The following PSD3 variants were observed in gnomAD, a reference collection of about 807,000 sequenced individuals.
PSD3 encodes the protein PH and SEC7 domain-containing protein 3.
In PSD3, 49 loss-of-function variants were observed where a neutral mutation model predicts 105.5. The observed-to-expected ratio is 0.46, with a 90% CI of 0.37 to 0.59. The LOEUF is 0.59. PSD3 is among the 20% of genes least tolerant of loss of function. The pLI is 0.00. For missense variants in PSD3, 1,561 were observed against 1,263.8 expected (o/e 1.24, Z -3.57); for synonymous variants, 557 against 457.8 (o/e 1.22, Z -2.77).
At chr8:18,843,185 C>T (rs189049516) in intron 4 of PSD3, among the ~76,000 whole-genome samples, 2 of 152,024 alleles carry the variant, frequency 1.3e-5, no homozygotes, top group African/African-American at 4.8e-5. Context: ...ACGGTGAAAC[C>T]CCATCTCTAC....
chr8:18,565,803 G>A (rs1184405656), intron 14 of PSD3, among the ~76,000 whole-genome samples: 3 of 152,124 alleles, frequency 2.0e-5, no homozygotes, highest in Non-Finnish European at 2.9e-5. Context: ...CTCAATAGGA[G>A]TGGGTTGGAT....
chr8:18,610,232 T>G lies in PSD3; in HGVS notation c.2411-9798A>C, dbSNP rs548890709. 5.3e-5 allele frequency among the ~76,000 whole-genome samples: 8 copies of G among 152,320 alleles called. No homozygotes were observed. The South Asian group carries it at 1.4e-3, about 28-fold the overall frequency. On this transcript the variant is annotated intron_variant, in intron 11 of 15. Transcript: ENST00000327040. ...CCTTAGGACTCTATACTTCTTTATTTGAGTCCTTGTGGATGAACTGCAACC... is the reference window on the plus strand; with the variant it reads ...CCTTAGGACTCTATACTTCTTTATTGGAGTCCTTGTGGATGAACTGCAACC...
At chr8:18,539,151 G>T (rs1016009483) in intron 15 of PSD3, among the ~76,000 whole-genome samples, 3 of 152,108 alleles carry the variant, frequency 2.0e-5, no homozygotes, top group African/African-American at 7.2e-5. Flanking sequence ...TTAACTTCAG[G>T]ACTAACCAGC....
At chr8:19,069,444 G>C (rs1003304079) in intron 1 of PSD3, among the ~76,000 whole-genome samples, 93 of 152,276 alleles carry the variant, frequency 6.1e-4, no homozygotes, top group African/African-American at 2.1e-3. Context: ...CTCCCTAAAA[G>C]TGCTTGGGCA....
At chr8:18,774,694 T>G (rs1807869546) in intron 8 of PSD3, 3 of 360,596 alleles carry the variant, frequency 8.3e-6, no homozygotes, top group Admixed American at 7.1e-5. Context: ...TAGTATTTCT[T>G]GCCCTTGTAG....
Position 18,871,628 on chromosome 8 carries a change from T to C in PSD3, c.1236A>G (p.Glu412=). 6.3e-7 allele frequency: 1 copy of C among 1,598,752 alleles called. No homozygotes were observed. Among genetic ancestry groups the C allele is most frequent in the Non-Finnish European group, 8.5e-7 (1 of 1,172,722 alleles). ...EKTPKPERDR[E]RISEQEEHVK... ...GCAGGGCTACTATGGGAGCTCACCT[T>C]TCCCTGTCTCTCTCTGGTTTAGGTG... is the stretch of plus-strand genomic sequence containing the variant. Residue 412 remains glutamate (E), a splice_region_variant and synonymous_variant, in exon 3 of 16, where the codon GAA becomes GAG. Coordinates refer to ENST00000327040, the MANE Select transcript of PSD3 (RefSeq NM_015310.4).
At chr8:19,043,254 T>C (rs1164203100) in intron 1 of PSD3, among the ~76,000 whole-genome samples, 2 of 152,162 alleles carry the variant, frequency 1.3e-5, no homozygotes, top group African/African-American at 4.8e-5. Context: ...GCAGAATGAC[T>C]CCATATAAAC....
At chr8:18,709,922 T>C (rs1353787691) in intron 9 of PSD3, among the ~76,000 whole-genome samples, 1 of 151,922 alleles carries the variant, frequency 6.6e-6, no homozygotes, top group Admixed American at 6.6e-5. Context: ...TAAAAAGAAA[T>C]AGGGTGCCTC....
chr8:18,958,259 AT>A (rs1311496226), intron 1 of PSD3, among the ~76,000 whole-genome samples: 3 of 152,210 alleles, frequency 2.0e-5, no homozygotes, highest in Non-Finnish European at 2.9e-5. Flanking sequence ...CATCTACATA[AT>A]TATGTATGCA....
chr8:18,868,147 G>A (rs1344647038), intron 3 of PSD3, 78 bp from the exon 4 acceptor site: 2 of 1,407,152 alleles, frequency 1.4e-6, no homozygotes, highest in Admixed American at 4.6e-5. Flanking sequence ...ATATAAAAAG[G>A]ACAACATTCT....
chr8:18,626,381 T>A lies in PSD3; in HGVS notation c.2410+6232A>T, dbSNP rs192109383. On this transcript the variant is annotated intron_variant, in intron 11 of 15. Coordinates refer to ENST00000327040, the MANE Select transcript of PSD3 (RefSeq NM_015310.4). The stretch of plus-strand genomic sequence containing the variant: ...TTCACTTATAAAACACTTTTTGTAA[T>A]ATTTGTCATCAGAGCACCTGGCCAG... Among the ~76,000 whole-genome samples the A allele has an allele frequency of 5.9e-5, 9 of 152,272 alleles. No individual in the cohort carries two copies. In the South Asian group the frequency reaches 1.4e-3, roughly 25 times the overall value.
intron 10 of PSD3, among the ~76,000 whole-genome samples, chr8:18,653,986 C>T (rs1029133221): frequency 6.6e-6 from 1 of 152,082 alleles, no homozygotes; most frequent in Non-Finnish European, 1.5e-5. Context: ...CAAAATTTTC[C>T]TATGAAACCC....
Position 18,597,166 on chromosome 8 carries a change from C to A in PSD3, c.2481+3198G>T, listed in dbSNP as rs1195508914. ...AAAAACAAACAATGGGGAAAGGATT[C>A]CCTGTTTAATAAATGGTGCTGGGAA... On this transcript the variant is annotated intron_variant, in intron 12 of 15. Transcript: ENST00000327040. Among the ~76,000 whole-genome samples, 2 of 4,538 alleles carry A rather than the reference C, an allele frequency of 4.4e-4. 1 individual carries two copies. The highest frequency in any genetic ancestry group is 2.4e-3 in the Non-Finnish European group (2 of 848). The allele number at this position is 4,538 out of a possible 152,430, so 3.0% of individuals were successfully genotyped here. A position where few individuals can be genotyped will look rare whatever the true frequency, so the allele number is the denominator to read the frequency against.
intron 2 of PSD3, among the ~76,000 whole-genome samples, chr8:18,909,283 G>A (rs1434276722): frequency 1.3e-5 from 2 of 151,962 alleles, no homozygotes; most frequent in Admixed American, 6.6e-5. Context: ...CTCCCTTAAG[G>A]TTTGACCGTG....
chr8:18,837,482 A>G (rs1814207533), intron 4 of PSD3, among the ~76,000 whole-genome samples: 1 of 152,216 alleles, frequency 6.6e-6, no homozygotes, highest in South Asian at 2.1e-4. Context: ...GGGGGCTCTA[A>G]AAGAAACTAA....
chr8:18,989,616 G>C (rs1354874917), intron 1 of PSD3, among the ~76,000 whole-genome samples: 3 of 152,204 alleles, frequency 2.0e-5, no homozygotes, highest in Non-Finnish European at 4.4e-5. Context: ...TCTGAGGTCT[G>C]ATTACATTTT....
intron 2 of PSD3, among the ~76,000 whole-genome samples, chr8:18,900,585 G>C (rs1302587652): frequency 6.6e-6 from 1 of 150,660 alleles, no homozygotes; most frequent in African/African-American, 2.4e-5. Flanking sequence ...GTGTTATTAA[G>C]GTTTATAGTA....
intron 1 of PSD3, among the ~76,000 whole-genome samples, chr8:18,984,751 G>A (rs1403599878): frequency 6.6e-6 from 1 of 152,042 alleles, no homozygotes; most frequent in African/African-American, 2.4e-5. Context: ...TATCCCATAA[G>A]ACAGACAAAA....
chr8:18,785,653 T>C (rs1230948444), intron 8 of PSD3, among the ~76,000 whole-genome samples: 1 of 152,182 alleles, frequency 6.6e-6, no homozygotes, highest in Non-Finnish European at 1.5e-5. Flanking sequence ...TTATTAACTG[T>C]CTGGTGCAAG....
Sources: gnomAD v4.1 joint callset for allele counts (sites outside exome capture counted in the v4.1 genomes callset) on GRCh38, gnomAD v4.1.1 for gene constraint, MANE v1.5 for transcripts, NCBI Gene and HGNC (gene_info 2026-07-23, HGNC 2026-07-21) for gene names.